Variants in C3orf85 observed in about 807,000 individuals in gnomAD.
C3orf85 encodes the protein chromosome 3 open reading frame 85.
In C3orf85, 1 loss-of-function variant was observed where a neutral mutation model predicts 1.7. The observed-to-expected ratio is 0.60, with a 90% CI of 0.21 to 2.86. The LOEUF is 2.86. Ranked by LOEUF, C3orf85 falls within the 30% of genes most tolerant of loss-of-function variation. The pLI is 0.22. For missense variants in C3orf85, 29 were observed against 21.3 expected (o/e 1.36, Z -0.72); for synonymous variants, 17 against 8.0 (o/e 2.13, Z -1.90).
intron 3 of C3orf85, chr3:109,149,505 C>G (rs1359138892): frequency 4.6e-6 from 1 of 215,592 alleles, no homozygotes. Context: ...AGAATGTTGA[C>G]ATTTTCAGGT....
intron 2 of C3orf85, among the ~76,000 whole-genome samples, chr3:109,146,872 A>G (rs1559970178): frequency 2.0e-5 from 3 of 152,166 alleles, no homozygotes; most frequent in Admixed American, 6.6e-5. Flanking sequence ...AGCCACCTTA[A>G]AAGATGGTTT....
intron 2 of C3orf85, among the ~76,000 whole-genome samples, chr3:109,137,637 G>GTGTATATATATATATATA (rs751674362): frequency 1.5e-4 from 12 of 79,900 alleles, no homozygotes; most frequent in African/African-American, 2.6e-4. Flanking sequence ...GTGTGTGTGT[G>GTGTATATATATATATATA]TATATATATA....
intron 3 of C3orf85, chr3:109,149,135 A>G (rs1333496737): frequency 6.6e-6 from 1 of 151,910 alleles, no homozygotes; most frequent in Non-Finnish European, 1.5e-5. Context: ...CAATTTAGCA[A>G]TTTAGGAAAC....
In C3orf85 at chr3:109,144,154, G is replaced by A. The variant is rs982417154; in HGVS notation, c.50-4099G>A. On this transcript the variant is annotated intron_variant, in intron 2 of 3. Coordinates refer to ENST00000622536, the MANE Select transcript of C3orf85 (RefSeq NM_001351622.2). ...AAAATCAACACAGCAATAAAACTCA[G>A]GGTTCAGTTTTCAAACCCCAGCAAT... Among the ~76,000 whole-genome samples the A allele has an allele frequency of 5.3e-5, 8 of 152,082 alleles. No individual in the cohort carries two copies. The South Asian group carries it at 6.2e-4, about 12-fold the overall frequency.
chr3:109,149,278 G>A (rs10933975), intron 3 of C3orf85: 57,653 of 151,916 alleles, frequency 0.38, 13,150 homozygotes, highest in East Asian at 0.88. Context: ...TTTTCATGGG[G>A]CCTTGATCTT....
intron 2 of C3orf85, among the ~76,000 whole-genome samples, chr3:109,137,347 G>A (rs1464091508): frequency 6.6e-6 from 1 of 152,014 alleles, no homozygotes; most frequent in Admixed American, 6.6e-5. Flanking sequence ...GGCACCAGAG[G>A]CCAGGCGATT....
At chr3:109,147,110 C>A (rs146084818) in intron 2 of C3orf85, among the ~76,000 whole-genome samples, 191 of 152,284 alleles carry the variant, frequency 1.3e-3, no homozygotes, top group African/African-American at 4.5e-3. Flanking sequence ...TCCCATCCTG[C>A]TAAATCCAAT....
chr3:109,138,745 G>A (rs1706707054), intron 2 of C3orf85, among the ~76,000 whole-genome samples: 1 of 152,092 alleles, frequency 6.6e-6, no homozygotes, highest in Non-Finnish European at 1.5e-5. Context: ...TATGGGCAGA[G>A]TTGACAAGTT....
chr3:109,144,631 T>C (rs1440223762), intron 2 of C3orf85, among the ~76,000 whole-genome samples: 1 of 152,234 alleles, frequency 6.6e-6, no homozygotes, highest in African/African-American at 2.4e-5. Context: ...TTTTAAAGCA[T>C]GCTTCTCTGC....
Position 109,150,911 on chromosome 3 carries a change from T to C in C3orf85, c.*1017T>C, listed in dbSNP as rs1029729106. ...GTCTTAAAACAATCTTAAGCACTTT[T>C]TGAGTGGCAAGTAAATCAGAAAAAC... On this transcript the variant is annotated 3_prime_UTR_variant, in exon 4 of 4. Transcript: ENST00000622536. Among the ~76,000 whole-genome samples the C allele has an allele frequency of 6.6e-6, 1 of 152,202 alleles. No individual in the cohort carries two copies. Among genetic ancestry groups the C allele is most frequent in the African/African-American group, 2.4e-5 (1 of 41,456 alleles).
intron 2 of C3orf85, among the ~76,000 whole-genome samples, chr3:109,140,415 C>G (rs1005484062): frequency 6.6e-6 from 1 of 152,204 alleles, no homozygotes; most frequent in Admixed American, 6.5e-5. Flanking sequence ...CCAGGCCCCT[C>G]CCCGCTGCAA....
intron 2 of C3orf85, among the ~76,000 whole-genome samples, chr3:109,144,519 G>A (rs1018268566): frequency 2.0e-5 from 3 of 152,194 alleles, no homozygotes; most frequent in African/African-American, 7.2e-5. Context: ...TTGTCCTAGG[G>A]AGGAGAAGGA....
At chr3:109,144,667 T>A (rs1706776812) in intron 2 of C3orf85, among the ~76,000 whole-genome samples, 1 of 152,230 alleles carries the variant, frequency 6.6e-6, no homozygotes, top group Admixed American at 6.5e-5. Flanking sequence ...AGCATTTTTT[T>A]CTTAGTGATT....
intron 2 of C3orf85, among the ~76,000 whole-genome samples, chr3:109,137,619 ATG>A (rs1207083894): frequency 0.019 from 1,991 of 106,768 alleles, 63 homozygotes; most frequent in African/African-American, 0.057. Flanking sequence ...AGATGTATAT[ATG>A]TGTGTGTGTG....
rs1706682856 is a variant in C3orf85, at chr3:109,136,878, T to G, written c.31T>G (p.Cys11Gly). 1 of 425,094 alleles carries G rather than the reference T, an allele frequency of 2.4e-6. No individual in the cohort carries two copies. The highest frequency in any genetic ancestry group is 4.2e-6 in the Non-Finnish European group (1 of 237,216). 26.3% of individuals were successfully genotyped at this position (425,094 alleles called of 1,614,324 possible). A position where few individuals can be genotyped will look rare whatever the true frequency, so the allele number is the denominator to read the frequency against. The change falls in exon 2 of 4, where the codon TGC (cysteine) becomes GGC (glycine). Residue 11 changes from cysteine to glycine, a missense_variant. Physicochemically the swap from Cys to Gly is radical, Grantham distance 159. Transcript: ENST00000622536. MAYKMLQVVL[C>G]STLLIGALGA... ...CTATAAAATGCTTCAAGTAGTCCTG[T>G]GCTCAACATTGCTTATCGGTAAGAG...
chr3:109,139,148 T>C (rs923122218), intron 2 of C3orf85, among the ~76,000 whole-genome samples: 1 of 152,240 alleles, frequency 6.6e-6, no homozygotes, highest in Non-Finnish European at 1.5e-5. Flanking sequence ...TGGTAGAAGC[T>C]GCATTCATGT....
chr3:109,147,613 T>G (rs1277643182), intron 2 of C3orf85, among the ~76,000 whole-genome samples: 1 of 152,202 alleles, frequency 6.6e-6, no homozygotes, highest in African/African-American at 2.4e-5. Context: ...TTTTAAAAAT[T>G]ATCATCTCTT....
At chr3:109,145,010 A>G (rs1706782576) in intron 2 of C3orf85, among the ~76,000 whole-genome samples, 1 of 152,214 alleles carries the variant, frequency 6.6e-6, no homozygotes, top group African/African-American at 2.4e-5. Flanking sequence ...CAAAAAATCA[A>G]AGCTGGTTAG....
Position 109,149,984 on chromosome 3 carries a change from T to C in C3orf85, c.*90T>C, listed in dbSNP as rs1353316659. 1.0e-5 allele frequency: 4 copies of C among 394,846 alleles called. No individual in the cohort carries two copies. The highest frequency in any genetic ancestry group is 1.8e-5 in the Non-Finnish European group (4 of 223,602). The allele number at this position is 394,846 out of a possible 1,614,324, so 24.5% of individuals were successfully genotyped here. A position where few individuals can be genotyped will look rare whatever the true frequency, so the allele number is the denominator to read the frequency against. On this transcript the variant is annotated 3_prime_UTR_variant, in exon 4 of 4. Coordinates refer to ENST00000622536, the MANE Select transcript of C3orf85 (RefSeq NM_001351622.2). ...ACCATGGGTTTTAGAGATCTGAGGG[T>C]ATATCCATGCTGTTTACTACATTAT...
Sources: gnomAD v4.1 joint callset for allele counts (sites outside exome capture counted in the v4.1 genomes callset) on GRCh38, gnomAD v4.1.1 for gene constraint, MANE v1.5 for transcripts, NCBI Gene and HGNC (gene_info 2026-07-23, HGNC 2026-07-21) for gene names.